Variants in FGF11 observed in about 807,000 individuals in gnomAD.
FGF11 encodes the protein fibroblast growth factor homologous factor 3.
FGF11 carries 25 observed loss-of-function variants against 25.1 expected under a neutral mutation model. That is an observed-to-expected ratio of 1.00 (90% CI 0.73 to 1.39). The LOEUF (loss-of-function observed/expected upper bound fraction) is 1.39, where lower values mean the gene tolerates loss of function less well. FGF11 is among the 40% of genes most tolerant of loss of function. The probability of loss-of-function intolerance (pLI) is 0.00; values close to 1 mark genes in which losing one functional copy is unlikely to be tolerated. For synonymous variants in FGF11, 130 were observed against 128.9 expected (o/e 1.01, Z -0.06); for missense variants, 320 against 311.0 (o/e 1.03, Z -0.22).
Position 7,439,629 on chromosome 17 carries a change from G to A in FGF11, c.9G>A (p.Ala3=). The change falls in exon 1 of 5, where the codon GCG becomes GCA. Residue 3 remains alanine, a synonymous_variant. Coordinates refer to ENST00000293829, the MANE Select transcript of FGF11 (RefSeq NM_004112.4). The part of the protein sequence containing the change: MA[A]LASSLIRQKR... ...TCTCCTCCCGGGGCGCTATGGCGGCGCTGGCCAGTAGCCTGATCCGGCAGA... is the reference window on the plus strand; with the variant it reads ...TCTCCTCCCGGGGCGCTATGGCGGCACTGGCCAGTAGCCTGATCCGGCAGA... 1 of 1,456,484 alleles carries A rather than the reference G, an allele frequency of 6.9e-7. No individual in the cohort carries two copies. Among genetic ancestry groups the A allele is most frequent in the South Asian group, 1.4e-5 (1 of 70,626 alleles). The allele number at this position is 1,456,484 out of a possible 1,614,324, so 90.2% of individuals were successfully genotyped here.
Position 7,439,680 on chromosome 17 carries a change from C to A in FGF11, c.60C>A (p.Gly20=). 3 of 1,540,956 alleles carry A rather than the reference C, an allele frequency of 1.9e-6. No homozygotes were observed. Among genetic ancestry groups the A allele is most frequent in the African/African-American group, 1.4e-5 (1 of 70,144 alleles). Residue 20 remains glycine, a synonymous_variant, in exon 1 of 5, where the codon GGC becomes GGA. Transcript: ENST00000293829. ...AGCGGGAGGTCCGCGAGCCCGGGGG[C>A]AGCCGGCCGGTGTCGGCGCAGCGGC... ...RQKREVREPG[G]SRPVSAQRRV...
chr17:7,441,039 C>A (rs572254239), intron 1 of FGF11: 2 of 800,306 alleles, frequency 2.5e-6, no homozygotes, highest in Non-Finnish European at 3.1e-6. Context: ...CCCACCCCCA[C>A]TCCTGAGGGA....
intron 3 of FGF11, 57 bp downstream of exon 3, chr17:7,441,936 G>A (rs1908349260): frequency 1.5e-6 from 2 of 1,298,794 alleles, no homozygotes; most frequent in Admixed American, 4.6e-5. Context: ...TCCTCAATTT[G>A]TCCCTTGAGG....
At chr17:7,439,193 A>C, upstream of FGF11, 1 of 156,876 alleles carries the variant, frequency 6.4e-6, no homozygotes. Context: ...CACACCCTGT[A>C]GATTACAAGA....
In FGF11 at chr17:7,439,630, C is replaced by A; in HGVS notation, c.10C>A (p.Leu4Met). MAALASSLIRQKRE... is the reference protein window; with the variant it reads MAAMASSLIRQKRE... Reference sequence around the variant, plus strand: ...CTCCTCCCGGGGCGCTATGGCGGCGCTGGCCAGTAGCCTGATCCGGCAGAA... The same window carrying A: ...CTCCTCCCGGGGCGCTATGGCGGCGATGGCCAGTAGCCTGATCCGGCAGAA... Residue 4 changes from leucine to methionine, a missense_variant, in exon 1 of 5, where the codon CTG (leucine) becomes ATG (methionine). Transcript: ENST00000293829. 1 of 1,459,232 alleles carries A rather than the reference C, an allele frequency of 6.9e-7. No individual in the cohort carries two copies. The highest frequency in any genetic ancestry group is 9.0e-7 in the Non-Finnish European group (1 of 1,114,790). 90.4% of individuals were successfully genotyped at this position (1,459,232 alleles called of 1,614,324 possible).
Position 7,441,758 on chromosome 17 carries a change from C to G in FGF11, c.305-18C>G. On this transcript the variant is annotated intron_variant, in intron 2 of 4. Coordinates refer to ENST00000293829, the MANE Select transcript of FGF11 (RefSeq NM_004112.4). Reference sequence around the variant, plus strand: ...GGTCAGAGGCCTGGGTATTGATGCTCCCTCTCTCCACCTGCAGCCCACTTC... The same window carrying G: ...GGTCAGAGGCCTGGGTATTGATGCTGCCTCTCTCCACCTGCAGCCCACTTC... 1 of 1,585,670 alleles carries G rather than the reference C, an allele frequency of 6.3e-7. No individual in the cohort carries two copies. The highest frequency in any genetic ancestry group is 2.2e-5 in the East Asian group (1 of 44,608).
intron 3 of FGF11, 44 bp from the exon 4 acceptor site, chr17:7,442,550 A>C (rs776905397): frequency 6.2e-7 from 1 of 1,612,064 alleles, no homozygotes; most frequent in Middle Eastern, 1.6e-4. Context: ...GTGTCTTTTT[A>C]TCTCTCTGTC....
intron 3 of FGF11, 190 bp from the exon 4 acceptor site, chr17:7,442,404 C>A (rs1402994353): frequency 1.4e-6 from 2 of 1,413,152 alleles, no homozygotes; most frequent in Non-Finnish European, 1.8e-6. Flanking sequence ...GTGCTTGGCC[C>A]AGAGCCTAGT....
chr17:7,442,412 A>G, intron 3 of FGF11, 182 bp from the exon 4 acceptor site: 1 of 1,425,596 alleles, frequency 7.0e-7, no homozygotes, highest in Non-Finnish European at 9.2e-7. Context: ...CCCAGAGCCT[A>G]GTTCTTAGCC....
At chr17:7,442,438 T>G in intron 3 of FGF11, 156 bp from the exon 4 acceptor site, 1 of 1,480,704 alleles carries the variant, frequency 6.8e-7, no homozygotes, top group Non-Finnish European at 8.9e-7. Flanking sequence ...CCCTCTTCCT[T>G]GTCCTCCCTT....
chr17:7,441,468 C>T lies in FGF11; in HGVS notation c.194-3C>T, dbSNP rs370668472. 108 of 1,614,078 alleles carry T rather than the reference C, an allele frequency of 6.7e-5. No homozygotes were observed. The African/African-American group carries it at 1.4e-3, about 21-fold the overall frequency. ...TTTCAAAGATGAATGTCTCTCTCTCCAGAGCCTCAGCTCAAAGGCATCGTC... is the reference window on the plus strand; with the variant it reads ...TTTCAAAGATGAATGTCTCTCTCTCTAGAGCCTCAGCTCAAAGGCATCGTC... On this transcript the variant is annotated splice_polypyrimidine_tract_variant and splice_region_variant and intron_variant, in intron 1 of 4. Transcript: ENST00000293829.
chr17:7,441,550 C>A lies in FGF11; in HGVS notation c.273C>A (p.Ile91=). The A allele has an allele frequency of 6.2e-7, 1 of 1,614,204 alleles. No individual in the cohort carries two copies. The highest frequency in any genetic ancestry group is 8.5e-7 in the Non-Finnish European group (1 of 1,180,038). The change falls in exon 2 of 5, where the codon ATC becomes ATA. Residue 91 remains isoleucine (I), a synonymous_variant. Coordinates refer to ENST00000293829, the MANE Select transcript of FGF11 (RefSeq NM_004112.4). ...TCCAGGCGAATCCCGACGGAAGCAT[C>A]CAGGGCACCCCAGAGGATACCAGCT... is the stretch of plus-strand genomic sequence containing the variant. The part of the protein sequence containing the change: ...FYLQANPDGS[I]QGTPEDTSSF...
At position 7,443,440 on chromosome 17, in the gene FGF11, G is replaced by A; in HGVS notation, c.*294G>A. 1 of 337,968 alleles carries A rather than the reference G, an allele frequency of 3.0e-6. No individual in the cohort carries two copies. The highest frequency in any genetic ancestry group is 5.4e-6 in the Non-Finnish European group (1 of 185,118). The allele number at this position is 337,968 out of a possible 1,614,324, so 20.9% of individuals were successfully genotyped here. On this transcript the variant is annotated 3_prime_UTR_variant, in exon 5 of 5. Coordinates refer to ENST00000293829, the MANE Select transcript of FGF11 (RefSeq NM_004112.4). ...ACAACGCCATGCCTTTTCCTGAGAT[G>A]GCGCTGGGAGTTCCCACATGGACAG...
chr17:7,442,343 A>T (rs1020691513), intron 3 of FGF11: 20 of 1,083,340 alleles, frequency 1.8e-5, no homozygotes, highest in Non-Finnish European at 2.4e-5. Flanking sequence ...ACCTCAGGTG[A>T]TCCACCCGCC....
In FGF11 at chr17:7,443,197, C is replaced by T. The variant is rs1199675890; in HGVS notation, c.*51C>T. The T allele has an allele frequency of 2.6e-6, 3 of 1,162,914 alleles. No individual in the cohort carries two copies. The highest frequency in any genetic ancestry group is 3.8e-6 in the Non-Finnish European group (3 of 785,166). The allele number at this position is 1,162,914 out of a possible 1,614,324, so 72.0% of individuals were successfully genotyped here. ...CCTGCACTCCCAGTGAGCCAGCCACCACCACAACCTGTCTCCCAGTCCTGC... is the reference window on the plus strand; with the variant it reads ...CCTGCACTCCCAGTGAGCCAGCCACTACCACAACCTGTCTCCCAGTCCTGC... On this transcript the variant is annotated 3_prime_UTR_variant, in exon 5 of 5. Transcript: ENST00000293829.
intron 3 of FGF11, 141 bp downstream of exon 3, chr17:7,442,020 C>A: frequency 4.7e-6 from 3 of 640,200 alleles, no homozygotes; most frequent in Non-Finnish European, 8.0e-6. Flanking sequence ...GGCCTGTCAT[C>A]GCTGCCCATT....
chr17:7,442,856 A>T lies in FGF11; in HGVS notation c.607+64A>T, dbSNP rs1908398233. On this transcript the variant is annotated intron_variant, in intron 4 of 4. Coordinates refer to ENST00000293829, the MANE Select transcript of FGF11 (RefSeq NM_004112.4). ...GGTATTGACCTTGATATGGACATTT[A>T]GGGGCAGACAGCTCAGGCTACAAGT... 4.0e-6 allele frequency: 6 copies of T among 1,490,346 alleles called. No homozygotes were observed. In the East Asian group the frequency reaches 1.1e-4, roughly 28 times the overall value. 92.3% of individuals were successfully genotyped at this position (1,490,346 alleles called of 1,614,324 possible).
Position 7,444,704 on chromosome 17 carries a change from T to A in FGF11, c.*1558T>A. ...CTGCTAGTGAACTAGGAGGGAGACT[T>A]CCATAGCCTCAGACTTGGATAGGGT... On this transcript the variant is annotated 3_prime_UTR_variant, in exon 5 of 5. Transcript: ENST00000293829. The A allele has an allele frequency of 4.5e-6, 1 of 219,924 alleles. No individual in the cohort carries two copies. The highest frequency in any genetic ancestry group is 9.3e-6 in the Non-Finnish European group (1 of 107,582). 13.6% of individuals were successfully genotyped at this position (219,924 alleles called of 1,614,324 possible).
chr17:7,439,422 G>C (rs1908200930), upstream of FGF11: 1 of 480,190 alleles, frequency 2.1e-6, no homozygotes, highest in Non-Finnish European at 3.6e-6. Flanking sequence ...AGCCAGCACT[G>C]GGCCCACGGG....
Sources: gnomAD v4.1 joint callset for allele counts on GRCh38, gnomAD v4.1.1 for gene constraint, MANE v1.5 for transcripts, NCBI Gene and HGNC (gene_info 2026-07-23, HGNC 2026-07-21) for gene names.